ROBO2: variants seen among roughly 807,000 people sequenced by gnomAD.
ROBO2 encodes the protein roundabout guidance receptor 2, also known as roundabout homolog 2.
A neutral mutation model predicts 160.8 loss-of-function variants in ROBO2; 53 were observed. The observed-to-expected ratio is 0.33, with a 90% CI of 0.26 to 0.41. The LOEUF (loss-of-function observed/expected upper bound fraction) is 0.41. ROBO2 is among the 10% of genes least tolerant of loss of function. The pLI is 1.00. For missense variants in ROBO2, 1,577 were observed against 1,722.4 expected (o/e 0.92, Z 1.49); for synonymous variants, 664 against 611.7 (o/e 1.09, Z -1.26).
rs138845502 is a variant in ROBO2 at position 77,507,359 on chromosome 3, C to G, written c.806+13977C>G. ...GTTTGAACACTGATGAAGGAGACTT[C>G]TTAGCATTTTTCCAACAAAGACAGC... On this transcript the variant is annotated intron_variant, in intron 5 of 25. Coordinates refer to ENST00000461745, the Ensembl canonical transcript of ROBO2. 1.6e-3 allele frequency among the ~76,000 whole-genome samples: 237 copies of G among 152,290 alleles called. 2 individuals are homozygous for G. The highest frequency in any genetic ancestry group is 5.3e-3 in the African/African-American group (222 of 41,574).
chr3:76,236,917 T>C (rs1704982011), intron 2 of ROBO2, among the ~76,000 whole-genome samples: 1 of 152,074 alleles, frequency 6.6e-6, no homozygotes, highest in African/African-American at 2.4e-5. Flanking sequence ...TATATAATGT[T>C]GCATTTTTTT....
intron 2 of ROBO2, among the ~76,000 whole-genome samples, chr3:76,285,918 C>A (rs1318165757): frequency 6.6e-6 from 1 of 152,122 alleles, no homozygotes; most frequent in Non-Finnish European, 1.5e-5. Flanking sequence ...GTAATCCGCA[C>A]CCATACTCTT....
intron 2 of ROBO2, among the ~76,000 whole-genome samples, chr3:77,192,070 A>C (rs931295217): frequency 1.3e-5 from 2 of 152,194 alleles, no homozygotes; most frequent in Non-Finnish European, 2.9e-5. Context: ...GAAAGTAAGC[A>C]ATGTAACATT....
chr3:76,776,539 A>C (rs1462644540), intron 2 of ROBO2, among the ~76,000 whole-genome samples: 1 of 150,742 alleles, frequency 6.6e-6, no homozygotes, highest in Non-Finnish European at 1.5e-5. Context: ...GGTACTTCAC[A>C]CCCTTTAAGG....
At chr3:76,114,571 T>G (rs2070378666) in intron 2 of ROBO2, among the ~76,000 whole-genome samples, 1 of 152,114 alleles carries the variant, frequency 6.6e-6, no homozygotes, top group African/African-American at 2.4e-5. Flanking sequence ...ATTATTATCA[T>G]TATCTTTAAA....
chr3:77,350,098 CAT>C (rs1394876066), intron 2 of ROBO2, among the ~76,000 whole-genome samples: 6 of 150,560 alleles, frequency 4.0e-5, no homozygotes, highest in Non-Finnish European at 5.9e-5. Flanking sequence ...CACACACATT[CAT>C]ATATATATAA....
intron 2 of ROBO2, among the ~76,000 whole-genome samples, chr3:77,201,506 G>C (rs1383596056): frequency 6.6e-6 from 1 of 151,984 alleles, no homozygotes; most frequent in Non-Finnish European, 1.5e-5. Flanking sequence ...TAATAACAAG[G>C]CCGCTGAACC....
chr3:77,187,385 A>G (rs921979102), intron 2 of ROBO2, among the ~76,000 whole-genome samples: 7 of 151,924 alleles, frequency 4.6e-5, no homozygotes, highest in African/African-American at 1.7e-4. Flanking sequence ...CCAACATCCC[A>G]ATTGTACCAA....
intron 2 of ROBO2, among the ~76,000 whole-genome samples, chr3:77,476,608 T>A (rs1412106288): frequency 1.8e-4 from 28 of 152,178 alleles, no homozygotes; most frequent in Non-Finnish European, 1.5e-4. Flanking sequence ...CCGATAGGGC[T>A]GAGCCATCTC....
intron 6 of ROBO2, among the ~76,000 whole-genome samples, chr3:77,525,170 A>G (rs2153630055): frequency 6.7e-6 from 1 of 150,374 alleles, no homozygotes. Context: ...GGCCATGCCC[A>G]TTTTCATCCA....
In ROBO2 at chr3:76,349,747, A is replaced by G. The variant is rs2108272792; in HGVS notation, c.109+412145A>G. On this transcript the variant is annotated intron_variant, in intron 2 of 26. Transcript: ENST00000487694. ...CAAAGGACAGTTATTACTCACAGCA[A>G]TAGTAGTAGCAGGGCCATCATCATT... is the stretch of plus-strand genomic sequence containing the variant. Among the ~76,000 whole-genome samples, 3 of 152,200 alleles carry G rather than the reference A, an allele frequency of 2.0e-5. No individual in the cohort carries two copies. In the South Asian group the frequency reaches 6.2e-4, roughly 32 times the overall value.
At chr3:77,179,828 T>A (rs1226557010) in intron 2 of ROBO2, among the ~76,000 whole-genome samples, 1 of 151,958 alleles carries the variant, frequency 6.6e-6, no homozygotes, top group Non-Finnish European at 1.5e-5. Context: ...ACTGCTAGGG[T>A]GCGGTTAAAC....
chr3:77,040,478 A>G, exon 1 of ROBO2: 1 of 1,219,784 alleles, frequency 8.2e-7, no homozygotes, highest in Non-Finnish European at 1.0e-6. Flanking sequence ...GAGCCTAAGG[A>G]GAGAGGGTTA....
chr3:76,288,805 T>G (rs543720831), intron 2 of ROBO2, among the ~76,000 whole-genome samples: 2 of 152,304 alleles, frequency 1.3e-5, no homozygotes, highest in South Asian at 2.1e-4. Flanking sequence ...TCCGTGTTGC[T>G]GCAAAGGACA....
At chr3:76,865,617 T>G (rs573985265) in intron 2 of ROBO2, among the ~76,000 whole-genome samples, 1 of 152,282 alleles carries the variant, frequency 6.6e-6, no homozygotes, top group African/African-American at 2.4e-5. Flanking sequence ...CCAGATTTGT[T>G]ACACTGACCT....
At chr3:76,649,092 G>A (rs1158078966) in intron 2 of ROBO2, among the ~76,000 whole-genome samples, 3 of 152,060 alleles carry the variant, frequency 2.0e-5, no homozygotes, top group Non-Finnish European at 4.4e-5. Flanking sequence ...TGATGTGAAT[G>A]ATTAGTATTC....
At chr3:76,024,980 T>G (rs1391396586) in intron 2 of ROBO2, among the ~76,000 whole-genome samples, 1 of 150,454 alleles carries the variant, frequency 6.6e-6, no homozygotes, top group Non-Finnish European at 1.5e-5. Flanking sequence ...ATATATATGC[T>G]TAAAGGAATT....
chr3:76,749,102 A>AT (rs2093938585), intron 2 of ROBO2, among the ~76,000 whole-genome samples: 2 of 151,886 alleles, frequency 1.3e-5, no homozygotes, highest in South Asian at 2.1e-4. Flanking sequence ...AGTATGATTC[A>AT]TTTTTTGTAA....
intron 2 of ROBO2, among the ~76,000 whole-genome samples, chr3:77,301,484 A>G (rs1366499799): frequency 1.3e-5 from 2 of 152,222 alleles, no homozygotes; most frequent in Admixed American, 6.5e-5. Context: ...CCAAAATTAT[A>G]GAATAATATA....
Sources: allele counts gnomAD v4.1 joint callset (sites outside exome capture counted in the v4.1 genomes callset), GRCh38; gene constraint gnomAD v4.1.1; transcripts MANE v1.5; gene names NCBI Gene and HGNC (gene_info 2026-07-23, HGNC 2026-07-21).